Variants in DUSP10 observed in about 807,000 individuals in gnomAD.
DUSP10 encodes the protein dual specificity protein phosphatase 10.
Under a neutral mutation model 30.8 loss-of-function variants are expected in DUSP10, and 14 were observed. That is an observed-to-expected ratio of 0.46 (90% confidence interval 0.30 to 0.71). DUSP10 has a LOEUF of 0.71. Among genes scored for constraint, DUSP10 ranks in the 30% least tolerant of loss-of-function variants. DUSP10 has a pLI of 0.08. For missense variants in DUSP10, 550 were observed against 619.4 expected, an observed-to-expected ratio of 0.89 and a Z score of 1.19; for synonymous variants, 254 against 250.4, an observed-to-expected ratio of 1.01 and a Z score of -0.14.
At position 221,706,179 on chromosome 1, in the gene DUSP10, G is replaced by T; in HGVS notation, c.1099C>A (p.Leu367Met). The change falls in exon 3 of 4, where the codon CTG becomes ATG. Residue 367 changes from leucine to methionine, a missense_variant. Physicochemically the swap from Leu to Met is conservative, Grantham distance 15 (BLOSUM62 2). Coordinates refer to ENST00000366899, the MANE Select transcript of DUSP10 (RefSeq NM_007207.6). This position sits in a 1 kb window ranked among gnomAD's most constrained non-coding sequence, Gnocchi z 4.6. The stretch of plus-strand genomic sequence containing the variant: ...GCTGGCAGCCGCTTGTAGTTGAACA[G>T]GCCTTTCTCATAGTGGTAGAGGGGA... ...HLPLYHYEKG[L>M]FNYKRLPATD... 6.2e-7 allele frequency: 1 copy of T among 1,614,138 alleles called. No individual in the cohort carries two copies. Among genetic ancestry groups the T allele is most frequent in the East Asian group, 2.2e-5 (1 of 44,868 alleles).
intron 2 of DUSP10, among the ~76,000 whole-genome samples, chr1:221,709,494 A>T (rs1161552289): frequency 8.6e-5 from 13 of 151,996 alleles, no homozygotes; most frequent in Admixed American, 8.5e-4. Context: ...AAAAGGAGAT[A>T]TTACAATTTA....
At chr1:221,722,386 G>A (rs1661302766) in intron 2 of DUSP10, among the ~76,000 whole-genome samples, 1 of 152,208 alleles carries the variant, frequency 6.6e-6, no homozygotes, top group Non-Finnish European at 1.5e-5. Flanking sequence ...AACTGGGACT[G>A]AGACTTCCAC....
intron 2 of DUSP10, among the ~76,000 whole-genome samples, chr1:221,720,008 G>A (rs935109206): frequency 5.3e-5 from 8 of 152,194 alleles, no homozygotes; most frequent in African/African-American, 1.7e-4. Context: ...AAGCCTGGGT[G>A]CTCTGCTTCC....
In DUSP10 at chr1:221,738,928, C is replaced by A. The variant is rs970709260; in HGVS notation, c.811+6G>T. ...ACCGTGCTTGGGAAGGGAGCAGGGGCATTACCTTTCAACACCAGAGGTTCT... is the reference window on the plus strand; with the variant it reads ...ACCGTGCTTGGGAAGGGAGCAGGGGAATTACCTTTCAACACCAGAGGTTCT... On this transcript the variant is annotated splice_donor_region_variant and intron_variant, in intron 2 of 3. Transcript: ENST00000366899. 1 of 1,598,686 alleles carries A rather than the reference C, an allele frequency of 6.3e-7. No individual in the cohort carries two copies. The highest frequency in any genetic ancestry group is 8.5e-7 in the Non-Finnish European group (1 of 1,171,894).
chr1:221,706,560 A>G lies in DUSP10; in HGVS notation c.812-94T>C. ...TTAGAATGAGTTTGCATTGTAGCTC[A>G]TGCATATTTTAAATACATATATAAA... On this transcript the variant is annotated intron_variant, in intron 2 of 3. Transcript: ENST00000366899. The surrounding 1 kb of genome is among the most constrained non-coding windows in gnomAD (Gnocchi z 4.6). The G allele has an allele frequency of 1.1e-6, 1 of 936,642 alleles. No individual in the cohort carries two copies. The allele number at this position is 936,642 out of a possible 1,614,324, so 58.0% of individuals were successfully genotyped here.
intron 3 of DUSP10, among the ~76,000 whole-genome samples, chr1:221,705,134 A>G (rs1291240211): frequency 1.4e-5 from 2 of 146,662 alleles, no homozygotes; most frequent in Admixed American, 6.7e-5. Flanking sequence ...TTTGAGACAG[A>G]GTTTCACTGT....
intron 2 of DUSP10, among the ~76,000 whole-genome samples, chr1:221,730,490 C>T (rs778271391): frequency 1.3e-5 from 2 of 152,070 alleles, no homozygotes; most frequent in Admixed American, 6.6e-5. Context: ...GGAAGAGTTG[C>T]GCTTTGTTTT....
chr1:221,735,369 C>T (rs886996158), intron 2 of DUSP10, among the ~76,000 whole-genome samples: 12 of 152,210 alleles, frequency 7.9e-5, no homozygotes, highest in Admixed American at 5.2e-4. Flanking sequence ...GTAGACCTGA[C>T]TGCCAGTCAG....
chr1:221,733,877 G>C (rs1661688696), intron 2 of DUSP10, among the ~76,000 whole-genome samples: 1 of 152,230 alleles, frequency 6.6e-6, no homozygotes, highest in Non-Finnish European at 1.5e-5. Context: ...GGCTGGGAGA[G>C]AGAGTTCATT....
intron 3 of DUSP10, among the ~76,000 whole-genome samples, chr1:221,705,283 A>AT (rs1660722179): frequency 6.6e-6 from 1 of 151,742 alleles, no homozygotes; most frequent in East Asian, 1.9e-4. Context: ...CTAATTTTGT[A>AT]TTTTTTTAGT....
chr1:221,731,017 A>G (rs552061341), intron 2 of DUSP10, among the ~76,000 whole-genome samples: 1 of 152,334 alleles, frequency 6.6e-6, no homozygotes, highest in East Asian at 1.9e-4. Context: ...TAAATCTTTT[A>G]TAATGAAATT....
At chr1:221,740,855 T>C (rs1661934429) in intron 1 of DUSP10, among the ~76,000 whole-genome samples, 1 of 152,184 alleles carries the variant, frequency 6.6e-6, no homozygotes, top group South Asian at 2.1e-4. Flanking sequence ...GACAGCTCCT[T>C]CCTCCTGTAG....
chr1:221,740,638 C>A (rs866354815), intron 1 of DUSP10, among the ~76,000 whole-genome samples: 126 of 152,312 alleles, frequency 8.3e-4, no homozygotes, highest in African/African-American at 2.9e-3. Context: ...CCCTCTTCAT[C>A]TCCCTGGCTG....
chr1:221,705,583 C>G (rs1660734555), intron 3 of DUSP10, among the ~76,000 whole-genome samples: 1 of 152,146 alleles, frequency 6.6e-6, no homozygotes, highest in Non-Finnish European at 1.5e-5. Flanking sequence ...GAGTTTGGGG[C>G]AGACTGTCAA....
At chr1:221,729,512 A>T (rs1661519459) in intron 2 of DUSP10, among the ~76,000 whole-genome samples, 1 of 152,230 alleles carries the variant, frequency 6.6e-6, no homozygotes, top group African/African-American at 2.4e-5. Context: ...AAGGGAGAAA[A>T]TATTTAATCT....
At chr1:221,710,508 G>A (rs957211666) in intron 2 of DUSP10, among the ~76,000 whole-genome samples, 5 of 149,576 alleles carry the variant, frequency 3.3e-5, no homozygotes, top group African/African-American at 1.3e-4. Flanking sequence ...CATCACTTTG[G>A]GAAACTACCA....
chr1:221,716,834 C>T (rs1228478614), intron 2 of DUSP10, among the ~76,000 whole-genome samples: 1 of 152,194 alleles, frequency 6.6e-6, no homozygotes, highest in African/African-American at 2.4e-5. Context: ...GGGAGAAATG[C>T]ACACCATAAA....
At chr1:221,733,858 C>T (rs1421962255) in intron 2 of DUSP10, among the ~76,000 whole-genome samples, 1 of 152,192 alleles carries the variant, frequency 6.6e-6, no homozygotes, top group Admixed American at 6.5e-5. Flanking sequence ...ACAGATAAAG[C>T]AAGAACATGG....
At chr1:221,738,234 C>G (rs1390474118) in intron 2 of DUSP10, among the ~76,000 whole-genome samples, 1 of 152,202 alleles carries the variant, frequency 6.6e-6, no homozygotes, top group Non-Finnish European at 1.5e-5. Context: ...ATTACTCCAT[C>G]TTGGGAGGAG....
Sources: allele counts gnomAD v4.1 joint callset (sites outside exome capture counted in the v4.1 genomes callset), GRCh38; gene constraint gnomAD v4.1.1; non-coding constraint Gnocchi (gnomAD v3.1); transcripts MANE v1.5; gene names NCBI Gene and HGNC (gene_info 2026-07-23, HGNC 2026-07-21).